WDR70: variants seen among roughly 807,000 people sequenced by gnomAD.
WDR70 encodes the protein WD repeat-containing protein 70.
Under a neutral mutation model 88.6 loss-of-function variants are expected in WDR70, and 53 were observed. The ratio of observed to expected loss-of-function variants is 0.60; its 90% CI spans 0.48 to 0.75. The LOEUF is 0.75. Ranked by LOEUF, WDR70 falls within the 30% of genes least tolerant of loss-of-function variation. WDR70 has a pLI of 0.00. For synonymous variants in WDR70, 280 were observed against 270.0 expected, an observed-to-expected ratio of 1.04 and a Z score of -0.36; for missense variants, 610 against 823.2, an observed-to-expected ratio of 0.74 and a Z score of 3.17.
At chr5:37,415,623 C>CG (rs1175924723) in intron 5 of WDR70, among the ~76,000 whole-genome samples, 3 of 149,288 alleles carry the variant, frequency 2.0e-5, no homozygotes, top group Non-Finnish European at 3.0e-5. Flanking sequence ...TGACCCCCCC[C>CG]ACCTCCCTCC....
intron 5 of WDR70, among the ~76,000 whole-genome samples, chr5:37,426,101 C>T (rs1226048767): frequency 6.6e-6 from 1 of 152,068 alleles, no homozygotes; most frequent in Admixed American, 6.6e-5. Context: ...AAGCCTAGGA[C>T]AGAACCCCGA....
chr5:37,421,110 T>C (rs10052404), intron 5 of WDR70, among the ~76,000 whole-genome samples: 3,926 of 152,244 alleles, frequency 0.026, 178 homozygotes, highest in African/African-American at 0.09. Context: ...AGGAAACTAG[T>C]ATTCGGAAGT....
intron 9 of WDR70, among the ~76,000 whole-genome samples, chr5:37,579,300 T>G (rs963203903): frequency 4.6e-5 from 7 of 152,188 alleles, no homozygotes; most frequent in African/African-American, 1.7e-4. Flanking sequence ...CAAAATCCAA[T>G]TCTGGCCGGG....
chr5:37,523,706 C>T (rs1487485925), intron 9 of WDR70, among the ~76,000 whole-genome samples: 6 of 152,156 alleles, frequency 3.9e-5, no homozygotes, highest in Non-Finnish European at 1.5e-5. Flanking sequence ...AGTTCGAACT[C>T]ACCGCAAAGA....
At chr5:37,672,742 G>A (rs564404158) in intron 10 of WDR70, among the ~76,000 whole-genome samples, 3 of 152,166 alleles carry the variant, frequency 2.0e-5, no homozygotes, top group South Asian at 2.1e-4. Context: ...GACCAGTGCC[G>A]GTGCAGGTCC....
chr5:37,405,010 T>A (rs1749310257), intron 5 of WDR70, among the ~76,000 whole-genome samples: 1 of 152,174 alleles, frequency 6.6e-6, no homozygotes, highest in South Asian at 2.1e-4. Flanking sequence ...TCAGCTCTGT[T>A]TTTATGTTAG....
At chr5:37,485,858 A>ATTTTTTTTTTTTTTTTTTTTTTTT (rs57109943) in intron 8 of WDR70, among the ~76,000 whole-genome samples, 8 of 108,284 alleles carry the variant, frequency 7.4e-5, no homozygotes, top group East Asian at 3.1e-4. Context: ...TGCCTGGCTA[A>ATTTTTTTTTTTTTTTTTTTTTTTT]TTTTTTTTTT....
chr5:37,449,263 C>T (rs1487308099), intron 7 of WDR70, among the ~76,000 whole-genome samples: 3 of 152,092 alleles, frequency 2.0e-5, no homozygotes, highest in South Asian at 4.1e-4. Context: ...TCCTTTCTTT[C>T]GTTTTTGGAA....
At chr5:37,564,505 GGGGAGACCGTGGAAAGAGAGGGAGA>G (rs1742673404) in intron 9 of WDR70, among the ~76,000 whole-genome samples, 1 of 151,424 alleles carries the variant, frequency 6.6e-6, no homozygotes, top group Admixed American at 6.6e-5. Flanking sequence ...TCGGCATCAG[GGGGAGACCGTGGAAAGAGAGGGAGA>G]GGGAGACGGT....
intron 9 of WDR70, among the ~76,000 whole-genome samples, chr5:37,571,584 A>G (rs1164012076): frequency 1.3e-5 from 2 of 152,104 alleles, no homozygotes; most frequent in Non-Finnish European, 2.9e-5. Flanking sequence ...GAAGAGAGTT[A>G]CTCTTAAAAT....
chr5:37,503,281 A>G (rs1284377430), intron 8 of WDR70, among the ~76,000 whole-genome samples: 1 of 151,802 alleles, frequency 6.6e-6, no homozygotes, highest in Non-Finnish European at 1.5e-5. Flanking sequence ...CTGTAAGTTC[A>G]GGGGTACATG....
At chr5:37,702,266 A>G (rs759165522) in intron 12 of WDR70, among the ~76,000 whole-genome samples, 16 of 152,242 alleles carry the variant, frequency 1.1e-4, no homozygotes, top group Non-Finnish European at 2.2e-4. Flanking sequence ...TGCTACAAGT[A>G]ATGCTAACTA....
chr5:37,392,578 A>ACCT (rs1488274401), intron 4 of WDR70, among the ~76,000 whole-genome samples: 1 of 152,126 alleles, frequency 6.6e-6, no homozygotes, highest in Non-Finnish European at 1.5e-5. Flanking sequence ...CAAACTCCTG[A>ACCT]CATGATCTGT....
intron 9 of WDR70, among the ~76,000 whole-genome samples, chr5:37,553,475 T>C (rs1273053792): frequency 6.6e-6 from 1 of 152,186 alleles, no homozygotes; most frequent in East Asian, 1.9e-4. Flanking sequence ...TGACCAACAT[T>C]TTCTACAAAA....
intron 8 of WDR70, chr5:37,505,647 A>G: frequency 2.5e-6 from 2 of 788,910 alleles, no homozygotes; most frequent in East Asian, 4.8e-5. Context: ...GATAAGGAAA[A>G]TGTTTTCATC....
At chr5:37,635,259 C>G (rs1445500341) in intron 10 of WDR70, among the ~76,000 whole-genome samples, 1 of 152,152 alleles carries the variant, frequency 6.6e-6, no homozygotes, top group African/African-American at 2.4e-5. Flanking sequence ...AGATGCATTT[C>G]TCAGTATGTG....
At chr5:37,404,323 G>T (rs1192958529) in intron 5 of WDR70, among the ~76,000 whole-genome samples, 1 of 152,060 alleles carries the variant, frequency 6.6e-6, no homozygotes, top group African/African-American at 2.4e-5. Context: ...GATACCTAAG[G>T]ATATGGGATA....
intron 9 of WDR70, among the ~76,000 whole-genome samples, chr5:37,586,106 C>A (rs1743356746): frequency 6.6e-6 from 1 of 152,166 alleles, no homozygotes; most frequent in African/African-American, 2.4e-5. Flanking sequence ...GGAGCCAAAT[C>A]GAGTGTTACC....
chr5:37,573,460 A>G (rs1325437398), intron 9 of WDR70, among the ~76,000 whole-genome samples: 2 of 151,748 alleles, frequency 1.3e-5, no homozygotes, highest in Non-Finnish European at 2.9e-5. Flanking sequence ...TACATGTGCC[A>G]TGTTGGTGTG....
Sources: gnomAD v4.1 joint callset for allele counts (sites outside exome capture counted in the v4.1 genomes callset) on GRCh38, gnomAD v4.1.1 for gene constraint, MANE v1.5 for transcripts, NCBI Gene and HGNC (gene_info 2026-07-23, HGNC 2026-07-21) for gene names.